Variants in CCDC170 observed in about 807,000 individuals in gnomAD.
CCDC170 encodes coiled-coil domain-containing protein 170.
Under a neutral mutation model 72.6 loss-of-function variants are expected in CCDC170, and 69 were observed. That is an observed-to-expected ratio of 0.95 (90% CI 0.78 to 1.16). The LOEUF is 1.16. Among genes scored for constraint, CCDC170 ranks in the 50% most tolerant of loss-of-function variants. The pLI, the probability that CCDC170 is intolerant of heterozygous loss-of-function variation, is 0.00. For synonymous variants in CCDC170, 300 were observed against 303.9 expected, an observed-to-expected ratio of 0.99 and a Z score of 0.13; for missense variants, 852 against 832.5, an observed-to-expected ratio of 1.02 and a Z score of -0.29.
At chr6:151,593,944 T>A (rs1487029719) in intron 8 of CCDC170, among the ~76,000 whole-genome samples, 1 of 152,132 alleles carries the variant, frequency 6.6e-6, no homozygotes, top group African/African-American at 2.4e-5. Context: ...TTCTATTACT[T>A]TGGGAGAAGA....
intron 9 of CCDC170, among the ~76,000 whole-genome samples, chr6:151,597,372 C>T (rs1776642533): frequency 6.6e-6 from 1 of 152,138 alleles, no homozygotes; most frequent in Admixed American, 6.5e-5. Context: ...AAGTGATCCA[C>T]CTGCCTCAGC....
chr6:151,577,074 C>T (rs1050914561), intron 6 of CCDC170, among the ~76,000 whole-genome samples: 5 of 152,184 alleles, frequency 3.3e-5, no homozygotes, highest in Admixed American at 1.3e-4. Context: ...CCTTGCATAT[C>T]TGCTTCTGGC....
chr6:151,563,576 T>G (rs961217571), intron 5 of CCDC170, among the ~76,000 whole-genome samples: 1 of 151,996 alleles, frequency 6.6e-6, no homozygotes, highest in Non-Finnish European at 1.5e-5. Flanking sequence ...GGTTGGAGAG[T>G]CCCTGGGCAG....
chr6:151,528,844 T>C (rs527702998), intron 1 of CCDC170, among the ~76,000 whole-genome samples: 1 of 151,646 alleles, frequency 6.6e-6, no homozygotes, highest in Admixed American at 6.6e-5. Flanking sequence ...TCTCAAAATA[T>C]ATATATATGT....
At position 151,595,879 on chromosome 6, in the gene CCDC170, G is replaced by A. The variant is rs1776614104; in HGVS notation, c.1468-456G>A. ...GGGGGCCACGTGTTCCAGTTCTAAGGGATTGAAATGAGCCAGTCTAGGTTT... is the reference window on the plus strand; with the variant it reads ...GGGGGCCACGTGTTCCAGTTCTAAGAGATTGAAATGAGCCAGTCTAGGTTT... On this transcript the variant is annotated intron_variant, in intron 8 of 10. Transcript: ENST00000239374. Among the ~76,000 whole-genome samples the A allele has an allele frequency of 3.9e-5, 6 of 152,108 alleles. No individual in the cohort carries two copies. The South Asian group carries it at 1.2e-3, about 32-fold the overall frequency.
intron 1 of CCDC170, among the ~76,000 whole-genome samples, chr6:151,511,121 G>C (rs1416568602): frequency 6.6e-6 from 1 of 152,182 alleles, no homozygotes; most frequent in South Asian, 2.1e-4. Flanking sequence ...TGCCTCTCCA[G>C]TGTATCTTGG....
chr6:151,507,338 T>A (rs766522669), intron 1 of CCDC170, among the ~76,000 whole-genome samples: 5 of 152,072 alleles, frequency 3.3e-5, no homozygotes, highest in Non-Finnish European at 7.4e-5. Flanking sequence ...AGCTTTGAAG[T>A]TGAAAAAATT....
At chr6:151,514,072 G>A (rs1313434171) in intron 1 of CCDC170, among the ~76,000 whole-genome samples, 1 of 151,756 alleles carries the variant, frequency 6.6e-6, no homozygotes, top group Non-Finnish European at 1.5e-5. Flanking sequence ...CATGTGGGCA[G>A]GAGTGGTAAC....
chr6:151,575,352 A>G (rs1776285442), intron 6 of CCDC170, among the ~76,000 whole-genome samples: 2 of 149,866 alleles, frequency 1.3e-5, no homozygotes, highest in Non-Finnish European at 3.0e-5. Context: ...CCCTTTAAAA[A>G]TTCTCCAAAA....
chr6:151,571,712 A>G (rs1401121607), intron 5 of CCDC170, among the ~76,000 whole-genome samples: 2 of 151,062 alleles, frequency 1.3e-5, no homozygotes, highest in African/African-American at 4.9e-5. Context: ...GGGCAATAAG[A>G]GTGAAACTCC....
intron 9 of CCDC170, among the ~76,000 whole-genome samples, chr6:151,614,629 AT>A (rs34242496): frequency 0.24 from 31,980 of 134,990 alleles, 3,543 homozygotes; most frequent in African/African-American, 0.29. Flanking sequence ...TAACTTTTGT[AT>A]TTTTTTTTTT....
intron 5 of CCDC170, among the ~76,000 whole-genome samples, chr6:151,572,649 G>GTTTTTT (rs1213267537): frequency 0.092 from 3,407 of 36,882 alleles, 194 homozygotes; most frequent in Non-Finnish European, 0.13. Flanking sequence ...CCTTCTCTGT[G>GTTTTTT]TTTTTTTTTT....
At chr6:151,567,667 A>G (rs936110513) in intron 5 of CCDC170, among the ~76,000 whole-genome samples, 2 of 152,234 alleles carry the variant, frequency 1.3e-5, no homozygotes, top group Non-Finnish European at 2.9e-5. Context: ...TGGATTTTAT[A>G]TACTTATTTA....
chr6:151,605,942 T>G (rs1776776982), intron 9 of CCDC170, among the ~76,000 whole-genome samples: 1 of 149,896 alleles, frequency 6.7e-6, no homozygotes, highest in African/African-American at 2.5e-5. Context: ...TACTCTGTTG[T>G]CCAGGCTGGA....
intron 9 of CCDC170, among the ~76,000 whole-genome samples, chr6:151,611,859 C>T (rs1253963799): frequency 3.9e-5 from 6 of 152,018 alleles, no homozygotes; most frequent in East Asian, 1.9e-4. Flanking sequence ...TACAGGCCCC[C>T]GCCACCACAA....
In CCDC170 at chr6:151,533,703, A is replaced by G. The variant is rs549567702; in HGVS notation, c.58-2615A>G. 2.0e-3 allele frequency among the ~76,000 whole-genome samples: 299 copies of G among 151,420 alleles called. 3 individuals carry two copies. Among genetic ancestry groups the G allele is most frequent in the African/African-American group, 7.0e-3 (290 of 41,330 alleles). ...AAAAAAATCATCACTTCTTTAGGGA[A>G]CTCTTTCCTTCCACCTCCTTCATCT... On this transcript the variant is annotated intron_variant, in intron 1 of 10. Coordinates refer to ENST00000239374, the MANE Select transcript of CCDC170 (RefSeq NM_025059.4).
chr6:151,568,858 G>C (rs989262491), intron 5 of CCDC170, among the ~76,000 whole-genome samples: 1 of 152,126 alleles, frequency 6.6e-6, no homozygotes, highest in Non-Finnish European at 1.5e-5. Flanking sequence ...CATGTAGTAT[G>C]TTGTCTTTTG....
Position 151,538,162 on chromosome 6 carries a change from A to G in CCDC170, c.304A>G (p.Arg102Gly). Residue 102 changes from arginine to glycine, a missense_variant, in exon 3 of 11, where the codon AGA (arginine) becomes GGA (glycine). Transcript: ENST00000239374. Reference protein sequence around the residue: ...ARKSSLLTSLRDRVQELEEES... With the variant: ...ARKSSLLTSLGDRVQELEEES... The stretch of plus-strand genomic sequence containing the variant: ...AAAATCATCTCTCCTTACCTCTTTG[A>G]GAGACAGAGTTCAGGAACTAGAAGA... The G allele has an allele frequency of 6.2e-7, 1 of 1,614,068 alleles. No homozygotes were observed. Among genetic ancestry groups the G allele is most frequent in the Non-Finnish European group, 8.5e-7 (1 of 1,179,958 alleles).
At chr6:151,512,340 A>G (rs1422730097) in intron 1 of CCDC170, among the ~76,000 whole-genome samples, 2 of 151,664 alleles carry the variant, frequency 1.3e-5, no homozygotes, top group Non-Finnish European at 2.9e-5. Context: ...TTGTATTTTT[A>G]GTAGAGAGGA....
Sources: allele counts gnomAD v4.1 joint callset (sites outside exome capture counted in the v4.1 genomes callset), GRCh38; gene constraint gnomAD v4.1.1; transcripts MANE v1.5; gene names NCBI Gene and HGNC (gene_info 2026-07-23, HGNC 2026-07-21).